STX7: variants seen among roughly 807,000 people sequenced by gnomAD.
STX7 encodes syntaxin 7, also known as syntaxin-7.
STX7 carries 34 observed loss-of-function variants against 39.6 expected under a neutral mutation model. That is an observed-to-expected ratio of 0.86 (90% CI 0.65 to 1.14). The LOEUF is 1.14. Ranked by LOEUF, STX7 falls within the 50% of genes most tolerant of loss-of-function variation. STX7 has a pLI of 0.00. For synonymous variants in STX7, 119 were observed against 99.1 expected (o/e 1.20, Z -1.19); for missense variants, 284 against 310.4 (o/e 0.92, Z 0.64).
At chr6:132,482,462 T>C (rs1775036289) in intron 2 of STX7, among the ~76,000 whole-genome samples, 1 of 152,152 alleles carries the variant, frequency 6.6e-6, no homozygotes, top group Non-Finnish European at 1.5e-5. Flanking sequence ...AACAAAGAAG[T>C]TGAGAACCAG....
At chr6:132,493,926 T>C (rs1244741018) in intron 2 of STX7, among the ~76,000 whole-genome samples, 2 of 152,158 alleles carry the variant, frequency 1.3e-5, no homozygotes, top group Non-Finnish European at 2.9e-5. Context: ...ATATGTGTAA[T>C]CAAAGAGAAA....
intron 1 of STX7, among the ~76,000 whole-genome samples, chr6:132,512,748 T>C (rs951100970): frequency 1.3e-5 from 2 of 152,076 alleles, no homozygotes; most frequent in Admixed American, 6.5e-5. Flanking sequence ...CGTGGCTGGG[T>C]AGGCCCACCT....
intron 2 of STX7, among the ~76,000 whole-genome samples, chr6:132,493,671 T>G (rs1775351371): frequency 6.6e-6 from 1 of 152,248 alleles, no homozygotes; most frequent in Admixed American, 6.5e-5. Flanking sequence ...GGTATGTCTT[T>G]ATTAGCAATG....
rs1774138648 is a variant in STX7 at position 132,451,637 on chromosome 6, A to C, written c.*9121T>G. The C allele has an allele frequency of 6.6e-6, 1 of 152,212 alleles. No homozygotes were observed. The highest frequency in any genetic ancestry group is 2.1e-4 in the South Asian group (1 of 4,834). 9.4% of individuals were successfully genotyped at this position (152,212 alleles called of 1,614,324 possible). ...GAATATCAGACATCAAAAGTCTAAC[A>C]AAAAATACAACCAAAAACTCTACAT... On this transcript the variant is annotated 3_prime_UTR_variant, in exon 10 of 10. Coordinates refer to ENST00000367941, the MANE Select transcript of STX7 (RefSeq NM_003569.3).
rs1360828744 is a variant in STX7, at chr6:132,449,501, C to T, written c.*11257G>A. 6.6e-6 allele frequency: 1 copy of T among 152,088 alleles called. No homozygotes were observed. The highest frequency in any genetic ancestry group is 1.5e-5 in the Non-Finnish European group (1 of 68,008). 9.4% of individuals were successfully genotyped at this position (152,088 alleles called of 1,614,324 possible). On this transcript the variant is annotated 3_prime_UTR_variant, in exon 10 of 10. Transcript: ENST00000367941. ...TTTTTTCTATTTTTTACTTCTTAGA[C>T]TCCAATCAGCACATATTAAACCTTC... is the stretch of plus-strand genomic sequence containing the variant.
chr6:132,450,626 G>A lies in STX7; in HGVS notation c.*10132C>T, dbSNP rs1774118582. On this transcript the variant is annotated 3_prime_UTR_variant, in exon 10 of 10. Coordinates refer to ENST00000367941, the MANE Select transcript of STX7 (RefSeq NM_003569.3). ...AGAAATTTTAAAATTGAAAAATGCAGGAATCAATATGAAACACTTAATTGA... is the reference window on the plus strand; with the variant it reads ...AGAAATTTTAAAATTGAAAAATGCAAGAATCAATATGAAACACTTAATTGA... The A allele has an allele frequency of 6.6e-6, 1 of 151,942 alleles. No homozygotes were observed. Among genetic ancestry groups the A allele is most frequent in the South Asian group, 2.1e-4 (1 of 4,816 alleles). 9.4% of individuals were successfully genotyped at this position (151,942 alleles called of 1,614,324 possible).
chr6:132,470,493 C>G, intron 6 of STX7, 81 bp downstream of exon 6: 3 of 1,058,580 alleles, frequency 2.8e-6, no homozygotes, highest in Non-Finnish European at 4.2e-6. Context: ...ATATTGAAAG[C>G]TTTAATTCTG....
chr6:132,457,757 A>G lies in STX7; in HGVS notation c.*3001T>C, dbSNP rs1562317621. ...TAAATGAACTTGAAAATGTCATTCA[A>G]CTCAAATCCCTCAATCAACTTACTT... On this transcript the variant is annotated 3_prime_UTR_variant, in exon 10 of 10. Transcript: ENST00000367941. 6.6e-6 allele frequency: 1 copy of G among 152,140 alleles called. No individual in the cohort carries two copies. The highest frequency in any genetic ancestry group is 1.5e-5 in the Non-Finnish European group (1 of 68,036). The allele number at this position is 152,140 out of a possible 1,614,324, so 9.4% of individuals were successfully genotyped here. A position where few individuals can be genotyped will look rare whatever the true frequency, so the allele number is the denominator to read the frequency against.
chr6:132,469,310 G>C (rs1774646783), intron 7 of STX7, among the ~76,000 whole-genome samples: 1 of 152,108 alleles, frequency 6.6e-6, no homozygotes, highest in Non-Finnish European at 1.5e-5. Context: ...TGTATCATGT[G>C]CTCTGGGAAG....
intron 2 of STX7, among the ~76,000 whole-genome samples, chr6:132,489,885 G>A (rs1047954134): frequency 6.6e-6 from 1 of 152,154 alleles, no homozygotes; most frequent in African/African-American, 2.4e-5. Context: ...TAAAGCTATT[G>A]TAGATTAATA....
In STX7 at chr6:132,469,982, T is replaced by A; in HGVS notation, c.506A>T (p.His169Leu). Reference sequence around the variant, plus strand: ...TTGCCTGATAGAAGATTCTCTCTCATGAATAAGACGGAGGTCATCCTCTGT... The same window carrying A: ...TTGCCTGATAGAAGATTCTCTCTCAAGAATAAGACGGAGGTCATCCTCTGT... The part of the protein sequence containing the change: ...EITEDDLRLI[H>L]ERESSIRQLE... Residue 169 changes from histidine (H) to leucine (L), a missense_variant, in exon 7 of 10, where the codon CAT (histidine) becomes CTT (leucine). By Grantham distance (99) the His-to-Leu change is moderately conservative (BLOSUM62 -3). Transcript: ENST00000367941. 1 of 1,601,328 alleles carries A rather than the reference T, an allele frequency of 6.2e-7. No homozygotes were observed. The highest frequency in any genetic ancestry group is 8.5e-7 in the Non-Finnish European group (1 of 1,175,610).
chr6:132,472,244 C>A, intron 4 of STX7, 38 bp downstream of exon 4: 1 of 1,533,220 alleles, frequency 6.5e-7, no homozygotes, highest in Non-Finnish European at 8.9e-7. Context: ...GTTTTTTTCA[C>A]ATTCAATACA....
chr6:132,499,723 C>T (rs766488178), intron 2 of STX7, among the ~76,000 whole-genome samples: 3 of 152,198 alleles, frequency 2.0e-5, no homozygotes, highest in Non-Finnish European at 4.4e-5. Context: ...TCTCTTTCCT[C>T]ACTCTTACGT....
At chr6:132,505,946 C>G (rs1347086840) in intron 1 of STX7, among the ~76,000 whole-genome samples, 29 of 151,982 alleles carry the variant, frequency 1.9e-4, no homozygotes, top group Admixed American at 1.9e-3. Context: ...CACATATCTA[C>G]AGTCAATTGA....
At chr6:132,474,731 G>T (rs1356916706) in intron 3 of STX7, among the ~76,000 whole-genome samples, 1 of 152,156 alleles carries the variant, frequency 6.6e-6, no homozygotes, top group Non-Finnish European at 1.5e-5. Flanking sequence ...AGGTTTAAAT[G>T]ATAAAATATG....
chr6:132,489,817 G>A lies in STX7; in HGVS notation c.85+13629C>T, dbSNP rs537161622. Among the ~76,000 whole-genome samples the A allele has an allele frequency of 1.2e-4, 18 of 152,166 alleles. No individual in the cohort carries two copies. The South Asian group carries it at 1.7e-3, about 14-fold the overall frequency. ...TCACTTTGTCATTGGTTCTCTTCCC[G>A]GATACTTTAAAGGTAGAAAGGCATA... On this transcript the variant is annotated intron_variant, in intron 2 of 9. Transcript: ENST00000367941.
At chr6:132,505,757 A>C (rs79749695) in intron 1 of STX7, among the ~76,000 whole-genome samples, 6 of 145,010 alleles carry the variant, frequency 4.1e-5, no homozygotes, top group South Asian at 2.1e-4. Context: ...AAAAAAAAAA[A>C]AAAAAAACAC....
intron 3 of STX7, among the ~76,000 whole-genome samples, chr6:132,473,181 A>G (rs2114383658): frequency 1.3e-5 from 2 of 152,284 alleles, no homozygotes; most frequent in Admixed American, 1.3e-4. Context: ...ATAAAAAGGA[A>G]AGAGGCAATA....
chr6:132,506,146 T>C lies in STX7; in HGVS notation c.-58-2558A>G, dbSNP rs552502516. On this transcript the variant is annotated intron_variant, in intron 1 of 9. Coordinates refer to ENST00000367941, the MANE Select transcript of STX7 (RefSeq NM_003569.3). ...GTAATACCTAAAACGATTAAAATAC[T>C]AAAAGAAAATATAGGGAAAACTCTT... is the stretch of plus-strand genomic sequence containing the variant. Among the ~76,000 whole-genome samples, 263 of 151,400 alleles carry C rather than the reference T, an allele frequency of 1.7e-3. 1 individual carries two copies. Among genetic ancestry groups the C allele is most frequent in the Non-Finnish European group, 2.4e-3 (166 of 67,828 alleles).
Sources: allele counts gnomAD v4.1 joint callset (sites outside exome capture counted in the v4.1 genomes callset), GRCh38; gene constraint gnomAD v4.1.1; transcripts MANE v1.5; gene names NCBI Gene and HGNC (gene_info 2026-07-23, HGNC 2026-07-21).